CACNG2: variants seen among roughly 807,000 people sequenced by gnomAD.
CACNG2 encodes calcium voltage-gated channel auxiliary subunit gamma 2.
In CACNG2, 3 loss-of-function variants were observed where a neutral mutation model predicts 25.9. The observed-to-expected ratio is 0.12, with a 90% CI of 0.05 to 0.30. The LOEUF (loss-of-function observed/expected upper bound fraction) is 0.30, where lower values mean the gene tolerates loss of function less well. CACNG2 is among the 10% of genes least tolerant of loss of function. The probability of loss-of-function intolerance (pLI) is 1.00; values close to 1 mark genes in which losing one functional copy is unlikely to be tolerated. For synonymous variants in CACNG2, 167 were observed against 173.3 expected, an observed-to-expected ratio of 0.96 and a Z score of 0.29; for missense variants, 341 against 432.5, an observed-to-expected ratio of 0.79 and a Z score of 1.88.
rs568974174 is a variant in CACNG2, at chr22:36,633,579, G to T, written c.212-46031C>A. Among the ~76,000 whole-genome samples, 3 of 152,358 alleles carry T rather than the reference G, an allele frequency of 2.0e-5. No individual in the cohort carries two copies. The South Asian group carries it at 6.2e-4, about 32-fold the overall frequency. On this transcript the variant is annotated intron_variant, in intron 1 of 3. Coordinates refer to ENST00000300105, the MANE Select transcript of CACNG2 (RefSeq NM_006078.5). ...CCTAGACTTCCTAAAAAGTCATTCT[G>T]AGCGATATGGTTAGACAGCTATTTA...
rs111927599 is a variant in CACNG2, at chr22:36,587,789, C to T, written c.212-241G>A. ...TTCAAAACGCTGCCTTCTGTCCCTG[C>T]ACTGAAGCTTCTGAGGATTAGCGGA... On this transcript the variant is annotated intron_variant, in intron 1 of 3. Coordinates refer to ENST00000300105, the MANE Select transcript of CACNG2 (RefSeq NM_006078.5). Among the ~76,000 whole-genome samples the T allele has an allele frequency of 3.9e-3, 595 of 152,354 alleles. 11 individuals carry two copies. The highest frequency in any genetic ancestry group is 0.012 in the African/African-American group (518 of 41,584).
At chr22:36,622,529 G>A (rs1014438889) in intron 1 of CACNG2, among the ~76,000 whole-genome samples, 4 of 152,212 alleles carry the variant, frequency 2.6e-5, no homozygotes, top group Admixed American at 2.0e-4. Flanking sequence ...TGTAACACAA[G>A]CCATCTTGTG....
chr22:36,618,467 CA>C (rs1398147892), intron 1 of CACNG2, among the ~76,000 whole-genome samples: 9 of 152,244 alleles, frequency 5.9e-5, no homozygotes, highest in African/African-American at 2.2e-4. Flanking sequence ...TCCTGTTAGC[CA>C]CCAGGGCTTA....
At chr22:36,694,962 T>C (rs1045852332) in intron 1 of CACNG2, among the ~76,000 whole-genome samples, 10 of 152,166 alleles carry the variant, frequency 6.6e-5, no homozygotes, top group South Asian at 2.1e-4. Flanking sequence ...ACTCCTGTAC[T>C]CCCAGCACTT....
At chr22:36,615,535 T>G (rs998827442) in intron 1 of CACNG2, among the ~76,000 whole-genome samples, 10 of 152,234 alleles carry the variant, frequency 6.6e-5, no homozygotes, top group Non-Finnish European at 1.2e-4. Flanking sequence ...CCTCACTTAT[T>G]CAGGACAAAA....
intron 1 of CACNG2, among the ~76,000 whole-genome samples, chr22:36,593,806 C>T (rs1038303697): frequency 6.6e-6 from 1 of 151,804 alleles, no homozygotes; most frequent in Non-Finnish European, 1.5e-5. Flanking sequence ...TGGAGGAGCA[C>T]AGGGTCTCCA....
At chr22:36,614,217 C>G (rs185046693) in intron 1 of CACNG2, among the ~76,000 whole-genome samples, 76 of 152,260 alleles carry the variant, frequency 5.0e-4, no homozygotes, top group South Asian at 1.9e-3. Context: ...CAGGACCCAC[C>G]ACGCTCTCTC....
chr22:36,686,488 G>A (rs1417042721), intron 1 of CACNG2, among the ~76,000 whole-genome samples: 2 of 152,198 alleles, frequency 1.3e-5, no homozygotes, highest in Non-Finnish European at 2.9e-5. Flanking sequence ...ATGTAAGAGG[G>A]AGGAAGGCGG....
rs569949324 is a variant in CACNG2 at position 36,615,798 on chromosome 22, C to T, written c.212-28250G>A. Among the ~76,000 whole-genome samples, 7 of 151,880 alleles carry T rather than the reference C, an allele frequency of 4.6e-5. No individual in the cohort carries two copies. The East Asian group carries it at 1.4e-3, about 29-fold the overall frequency. On this transcript the variant is annotated intron_variant, in intron 1 of 3. Transcript: ENST00000300105. ...ACAGTCTGATTTAGCTTTCTGCTTT[C>T]CAAAGAAATAATGTCACAATAGTGT...
intron 1 of CACNG2, among the ~76,000 whole-genome samples, chr22:36,685,982 C>A (rs1937191283): frequency 6.6e-6 from 1 of 152,220 alleles, no homozygotes; most frequent in Admixed American, 6.5e-5. Flanking sequence ...CAGCCGGTCA[C>A]AGAGGTAAAT....
intron 1 of CACNG2, among the ~76,000 whole-genome samples, chr22:36,588,124 GC>G (rs1935533604): frequency 6.6e-6 from 1 of 152,182 alleles, no homozygotes; most frequent in Non-Finnish European, 1.5e-5. Flanking sequence ...CCCCCTGGGG[GC>G]TGGACTTTTG....
At chr22:36,692,903 T>C (rs1601459712) in intron 1 of CACNG2, among the ~76,000 whole-genome samples, 1 of 152,228 alleles carries the variant, frequency 6.6e-6, no homozygotes, top group Non-Finnish European at 1.5e-5. Flanking sequence ...CCCAGCACTT[T>C]GGAAGGCCGA....
chr22:36,594,740 T>A (rs1476778038), intron 1 of CACNG2, among the ~76,000 whole-genome samples: 1 of 151,106 alleles, frequency 6.6e-6, no homozygotes, highest in East Asian at 1.9e-4. Context: ...TGTGTGTGCA[T>A]GGGTGTGTGT....
chr22:36,666,942 A>C (rs1279674420), intron 1 of CACNG2, among the ~76,000 whole-genome samples: 1 of 150,944 alleles, frequency 6.6e-6, no homozygotes, highest in Non-Finnish European at 1.5e-5. Context: ...TCTCTGCAAG[A>C]ACTGCTTCCC....
chr22:36,643,832 G>A (rs1183292410), intron 1 of CACNG2, among the ~76,000 whole-genome samples: 4 of 152,100 alleles, frequency 2.6e-5, no homozygotes, highest in Admixed American at 2.6e-4. Flanking sequence ...TTAAGCCTTA[G>A]GACAATCTCA....
intron 1 of CACNG2, among the ~76,000 whole-genome samples, chr22:36,636,833 G>A (rs1476088527): frequency 6.6e-6 from 1 of 152,226 alleles, no homozygotes; most frequent in Admixed American, 6.5e-5. Context: ...GTGTAGGCAG[G>A]CATTCACGTG....
At chr22:36,612,370 A>G (rs1158297399) in intron 1 of CACNG2, among the ~76,000 whole-genome samples, 1 of 152,264 alleles carries the variant, frequency 6.6e-6, no homozygotes, top group Non-Finnish European at 1.5e-5. Context: ...TTAGTATAAC[A>G]TAAGGTGCCT....
intron 2 of CACNG2, among the ~76,000 whole-genome samples, chr22:36,578,237 T>C (rs562516431): frequency 1.3e-5 from 2 of 151,756 alleles, no homozygotes; most frequent in South Asian, 4.2e-4. Flanking sequence ...TGTGATGGCG[T>C]GCACCTGTAA....
intron 2 of CACNG2, among the ~76,000 whole-genome samples, chr22:36,576,094 C>T (rs1287853208): frequency 6.6e-6 from 1 of 152,164 alleles, no homozygotes. Context: ...ATGTTTATAG[C>T]AGTACAATTT....
Sources: gnomAD v4.1 joint callset for allele counts (sites outside exome capture counted in the v4.1 genomes callset) on GRCh38, gnomAD v4.1.1 for gene constraint, MANE v1.5 for transcripts, NCBI Gene and HGNC (gene_info 2026-07-23, HGNC 2026-07-21) for gene names.